RALYL: variants seen among roughly 807,000 people sequenced by gnomAD.
RALYL encodes the protein RNA-binding Raly-like protein.
In RALYL, 29 loss-of-function variants were observed where a neutral mutation model predicts 35.1. The ratio of observed to expected loss-of-function variants is 0.83; its 90% CI spans 0.61 to 1.13. RALYL has a LOEUF of 1.13. Ranked by LOEUF, RALYL falls within the 50% of genes most tolerant of loss-of-function variation. The probability of loss-of-function intolerance (pLI) is 0.00; values close to 1 mark genes in which losing one functional copy is unlikely to be tolerated. For missense variants in RALYL, 359 were observed against 360.4 expected, an observed-to-expected ratio of 1.00 and a Z score of 0.03; for synonymous variants, 120 against 127.6, an observed-to-expected ratio of 0.94 and a Z score of 0.40.
chr8:84,324,942 A>C (rs1174501486), intron 1 of RALYL, among the ~76,000 whole-genome samples: 1 of 152,130 alleles, frequency 6.6e-6, no homozygotes, highest in African/African-American at 2.4e-5. Flanking sequence ...TATACCTCCC[A>C]CACTGTCACT....
chr8:84,264,074 T>C (rs1308611130), intron 1 of RALYL, among the ~76,000 whole-genome samples: 1 of 152,212 alleles, frequency 6.6e-6, no homozygotes, highest in Non-Finnish European at 1.5e-5. Flanking sequence ...GCAGTGAACA[T>C]ATGCATGCAT....
rs1205189218 is a variant in RALYL at position 84,458,182 on chromosome 8, A to AC, written c.-23-71116dup. Among the ~76,000 whole-genome samples, 7 of 151,930 alleles carry AC rather than the reference A, an allele frequency of 4.6e-5. No homozygotes were observed. In the South Asian group the frequency reaches 1.4e-3, roughly 31 times the overall value. ...GTTTGAAATAATCAACTTCATCTGT[A>AC]CTTTGCTCTAATAGTTCCTTGCATG... On this transcript the variant is annotated intron_variant, in intron 1 of 8. Coordinates refer to ENST00000521268, the MANE Select transcript of RALYL (RefSeq NM_173848.7).
intron 1 of RALYL, among the ~76,000 whole-genome samples, chr8:84,322,353 G>A (rs1038722653): frequency 1.3e-5 from 2 of 152,022 alleles, no homozygotes; most frequent in Admixed American, 6.6e-5. Context: ...AAAAATTATA[G>A]GTAGGAGGAA....
At chr8:84,678,535 A>G (rs1199077610) in intron 2 of RALYL, among the ~76,000 whole-genome samples, 22 of 152,076 alleles carry the variant, frequency 1.4e-4, no homozygotes, top group Admixed American at 1.4e-3. Context: ...CCAAAGTGCT[A>G]GGATTACAGG....
At chr8:84,288,507 G>A (rs181859647) in intron 1 of RALYL, among the ~76,000 whole-genome samples, 23 of 147,810 alleles carry the variant, frequency 1.6e-4, no homozygotes, top group Admixed American at 5.3e-4. Context: ...ATGAAATTCT[G>A]TGTGGAAAGT....
At position 84,268,629 on chromosome 8, in the gene RALYL, A is replaced by G. The variant is rs528124813; in HGVS notation, c.-24+84205A>G. On this transcript the variant is annotated intron_variant, in intron 1 of 8. Transcript: ENST00000521268. Reference sequence around the variant, plus strand: ...CGCGGAACTACATTATAGTATAGCTACCATTTTCAATATTAATTGGAGGTA... The same window carrying G: ...CGCGGAACTACATTATAGTATAGCTGCCATTTTCAATATTAATTGGAGGTA... Among the ~76,000 whole-genome samples, 370 of 152,332 alleles carry G rather than the reference A, an allele frequency of 2.4e-3. 2 individuals are homozygous for G. The highest frequency in any genetic ancestry group is 8.6e-3 in the African/African-American group (358 of 41,572).
chr8:84,437,951 C>T (rs1209064514), intron 1 of RALYL, among the ~76,000 whole-genome samples: 2 of 152,094 alleles, frequency 1.3e-5, no homozygotes, highest in Admixed American at 6.5e-5. Flanking sequence ...TTTTCATTAT[C>T]AATTACCTTG....
chr8:84,377,006 G>A (rs1229959237), intron 1 of RALYL, among the ~76,000 whole-genome samples: 3 of 151,798 alleles, frequency 2.0e-5, no homozygotes, highest in Non-Finnish European at 4.4e-5. Flanking sequence ...AGTTGGAAAG[G>A]ATGTAAAAAT....
At chr8:84,617,943 C>T (rs1333294901) in intron 2 of RALYL, among the ~76,000 whole-genome samples, 2 of 151,692 alleles carry the variant, frequency 1.3e-5, no homozygotes, top group African/African-American at 2.4e-5. Flanking sequence ...GGGATGAAGC[C>T]CACTTGATCA....
At chr8:84,198,585 G>A (rs917968483) in intron 1 of RALYL, among the ~76,000 whole-genome samples, 1 of 152,040 alleles carries the variant, frequency 6.6e-6, no homozygotes, top group African/African-American at 2.4e-5. Context: ...ACCTTGTTGT[G>A]CTATCAAATA....
intron 4 of RALYL, among the ~76,000 whole-genome samples, chr8:84,811,107 T>C (rs1825809820): frequency 6.6e-6 from 1 of 152,110 alleles, no homozygotes; most frequent in Non-Finnish European, 1.5e-5. Context: ...GTTTTCTAGG[T>C]CCTGTGTGAT....
intron 1 of RALYL, among the ~76,000 whole-genome samples, chr8:84,333,281 T>A (rs1426314435): frequency 3.9e-5 from 6 of 152,160 alleles, no homozygotes; most frequent in Non-Finnish European, 8.8e-5. Flanking sequence ...GAGATAATGA[T>A]GAAAGTGCCT....
chr8:84,753,451 G>A (rs535186496), intron 2 of RALYL, among the ~76,000 whole-genome samples: 3 of 152,242 alleles, frequency 2.0e-5, no homozygotes, highest in African/African-American at 4.8e-5. Flanking sequence ...GCAATGTGAG[G>A]TTGTGAGATT....
At chr8:84,810,208 A>ATT (rs951941022) in intron 4 of RALYL, among the ~76,000 whole-genome samples, 2 of 152,090 alleles carry the variant, frequency 1.3e-5, no homozygotes, top group African/African-American at 4.8e-5. Flanking sequence ...AGTTCAAAGA[A>ATT]TTTTTAAATT....
chr8:84,380,951 G>C (rs1024531134), intron 1 of RALYL, among the ~76,000 whole-genome samples: 1 of 151,790 alleles, frequency 6.6e-6, no homozygotes, highest in East Asian at 2.0e-4. Context: ...GACAGAAGCT[G>C]GGTGGAGGGT....
chr8:84,207,578 G>C (rs1334101034), intron 1 of RALYL, among the ~76,000 whole-genome samples: 1 of 151,982 alleles, frequency 6.6e-6, no homozygotes, highest in Non-Finnish European at 1.5e-5. Context: ...ACAAAATGGG[G>C]AGATGTTGGT....
chr8:84,683,932 C>T (rs185119829), intron 2 of RALYL, among the ~76,000 whole-genome samples: 147 of 152,216 alleles, frequency 9.7e-4, no homozygotes, highest in Admixed American at 4.2e-3. Context: ...ACTCTCGATC[C>T]CTCAGGTGAT....
At position 84,571,197 on chromosome 8, in the gene RALYL, T is replaced by C. The variant is rs564430428; in HGVS notation, c.256+41620T>C. 5.3e-5 allele frequency among the ~76,000 whole-genome samples: 8 copies of C among 151,946 alleles called. No individual in the cohort carries two copies. In the South Asian group the frequency reaches 1.7e-3, roughly 31 times the overall value. ...CCCCTTGATATTTTGAAATAACTCT[T>C]CCTTGTATGTTTGGTAACATTTTAG... On this transcript the variant is annotated intron_variant, in intron 2 of 8. Coordinates refer to ENST00000521268, the MANE Select transcript of RALYL (RefSeq NM_173848.7).
At chr8:84,239,455 G>A (rs554958628) in intron 1 of RALYL, among the ~76,000 whole-genome samples, 9 of 152,254 alleles carry the variant, frequency 5.9e-5, no homozygotes, top group East Asian at 3.9e-4. Flanking sequence ...ATGCCTAGCC[G>A]TTACATGTCT....
Sources: allele counts gnomAD v4.1 joint callset (sites outside exome capture counted in the v4.1 genomes callset), GRCh38; gene constraint gnomAD v4.1.1; transcripts MANE v1.5; gene names NCBI Gene and HGNC (gene_info 2026-07-23, HGNC 2026-07-21).